GAN: variants seen among roughly 807,000 people sequenced by gnomAD.
The protein encoded by GAN is gigaxonin, also known as epididymis secretory sperm binding protein.
In GAN, 48 loss-of-function variants were observed where a neutral mutation model predicts 71.3. The ratio of observed to expected loss-of-function variants is 0.67; its 90% confidence interval spans 0.53 to 0.86. The LOEUF (loss-of-function observed/expected upper bound fraction) is 0.86. GAN is among the 40% of genes least tolerant of loss of function. GAN has a pLI of 0.00. For missense variants in GAN, 928 were observed against 770.1 expected (o/e 1.21, Z -2.43); for synonymous variants, 386 against 276.8 (o/e 1.39, Z -3.92).
intron 6 of GAN, among the ~76,000 whole-genome samples, chr16:81,363,413 C>G (rs920651022): frequency 2.0e-5 from 3 of 152,142 alleles, no homozygotes; most frequent in Non-Finnish European, 2.9e-5. Flanking sequence ...AGCCAGAAAT[C>G]TTTAAGAAGC....
chr16:81,332,616 C>G lies in GAN; in HGVS notation c.167+17336C>G, dbSNP rs191996365. Among the ~76,000 whole-genome samples, 236 of 152,326 alleles carry G rather than the reference C, an allele frequency of 1.5e-3. 1 individual carries two copies. The highest frequency in any genetic ancestry group is 5.5e-3 in the African/African-American group (228 of 41,568). On this transcript the variant is annotated intron_variant, in intron 1 of 10. Coordinates refer to ENST00000648994, the MANE Select transcript of GAN (RefSeq NM_022041.4). ...ACTCTCTCCCAAGAGCTGATTCTGC[C>G]TTCCCTTGTACATAGCACATGCCTG...
chr16:81,325,940 C>T (rs1274470764), intron 1 of GAN, among the ~76,000 whole-genome samples: 1 of 152,186 alleles, frequency 6.6e-6, no homozygotes, highest in Non-Finnish European at 1.5e-5. Context: ...TGTCTCTCTG[C>T]CTTTCTTGAC....
chr16:81,338,281 AT>A (rs1207419797), intron 1 of GAN, among the ~76,000 whole-genome samples: 1 of 152,186 alleles, frequency 6.6e-6, no homozygotes. Context: ...TCATGTAATA[AT>A]TAAAAAGAAT....
chr16:81,347,310 T>G lies in GAN; in HGVS notation c.168-4273T>G, dbSNP rs150790492. Among the ~76,000 whole-genome samples, 26 of 152,296 alleles carry G rather than the reference T, an allele frequency of 1.7e-4. No homozygotes were observed. In the East Asian group the frequency reaches 4.8e-3, roughly 28 times the overall value. ...CAGGAAATACAGGGAGGAAAGAAAG[T>G]TGTCTAAATACCCTCTGTATACTGT... On this transcript the variant is annotated intron_variant, in intron 1 of 10. Coordinates refer to ENST00000648994, the MANE Select transcript of GAN (RefSeq NM_022041.4).
intron 1 of GAN, among the ~76,000 whole-genome samples, chr16:81,345,992 CAA>C (rs1185537263): frequency 6.6e-6 from 1 of 152,166 alleles, no homozygotes; most frequent in African/African-American, 2.4e-5. Context: ...GCCACATGCG[CAA>C]GCAAGTACAG....
intron 9 of GAN, among the ~76,000 whole-genome samples, chr16:81,373,370 A>G (rs1911093846): frequency 6.6e-6 from 1 of 152,320 alleles, no homozygotes; most frequent in East Asian, 1.9e-4. Flanking sequence ...ACAATTGTTC[A>G]TTTACATTAC....
rs1904290226 is a variant in GAN, at chr16:81,378,585, G to T, written c.*989G>T. ...CCTGTCTGAAAGCACACAAAGTCTT[G>T]TTTACTACTGTTTAGGGTTTGAAAA... On this transcript the variant is annotated 3_prime_UTR_variant, in exon 11 of 11. Coordinates refer to ENST00000648994, the MANE Select transcript of GAN (RefSeq NM_022041.4). 1.3e-5 allele frequency: 2 copies of T among 152,702 alleles called. No homozygotes were observed. The highest frequency in any genetic ancestry group is 4.1e-4 in the South Asian group (2 of 4,828). The allele number at this position is 152,702 out of a possible 1,614,324, so 9.5% of individuals were successfully genotyped here. A position where few individuals can be genotyped will look rare whatever the true frequency, so the allele number is the denominator to read the frequency against.
At chr16:81,344,023 G>A (rs1255639047) in intron 1 of GAN, among the ~76,000 whole-genome samples, 2 of 152,140 alleles carry the variant, frequency 1.3e-5, no homozygotes, top group African/African-American at 4.8e-5. Flanking sequence ...TTGCTACTAA[G>A]AGAATAAAAT....
At chr16:81,375,399 T>G (rs1904277229) in intron 9 of GAN, among the ~76,000 whole-genome samples, 1 of 145,386 alleles carries the variant, frequency 6.9e-6, no homozygotes, top group African/African-American at 2.5e-5. Flanking sequence ...TGCAGTGGCA[T>G]GATCTCAACT....
chr16:81,334,031 C>T (rs1472205246), intron 1 of GAN, among the ~76,000 whole-genome samples: 1 of 152,242 alleles, frequency 6.6e-6, no homozygotes, highest in Admixed American at 6.5e-5. Context: ...TTTCAGAAAA[C>T]ATAACCTTCT....
chr16:81,322,511 A>C (rs1909254111), intron 1 of GAN, among the ~76,000 whole-genome samples: 1 of 152,262 alleles, frequency 6.6e-6, no homozygotes. Context: ...AATGAAATAC[A>C]GACCAATTAA....
intron 9 of GAN, among the ~76,000 whole-genome samples, chr16:81,374,316 G>A (rs1189808159): frequency 1.3e-5 from 2 of 152,164 alleles, no homozygotes; most frequent in Admixed American, 6.5e-5. Flanking sequence ...AAAGTTAACT[G>A]ATTTTCTTGT....
chr16:81,352,570 G>T (rs1349884501), intron 2 of GAN, among the ~76,000 whole-genome samples: 2 of 151,874 alleles, frequency 1.3e-5, no homozygotes, highest in Non-Finnish European at 2.9e-5. Context: ...TATCCCTCTT[G>T]TTTTCCTTTC....
chr16:81,386,070 A>G lies in GAN; in HGVS notation c.*8474A>G, dbSNP rs928535505. On this transcript the variant is annotated 3_prime_UTR_variant, in exon 11 of 11. Transcript: ENST00000648994. ...AGAAAATGATTTGCTTTCTAGACCC[A>G]TATCACCTCTCTCCATCTACATCTC... 3 of 152,114 alleles carry G rather than the reference A, an allele frequency of 2.0e-5. No individual in the cohort carries two copies. Among genetic ancestry groups the G allele is most frequent in the East Asian group, 1.9e-4 (1 of 5,178 alleles). The allele number at this position is 152,114 out of a possible 1,614,324, so 9.4% of individuals were successfully genotyped here. A position where few individuals can be genotyped will look rare whatever the true frequency, so the allele number is the denominator to read the frequency against.
At position 81,357,941 on chromosome 16, in the gene GAN, T is replaced by G; in HGVS notation, c.973+10T>G. 6.2e-7 allele frequency: 1 copy of G among 1,613,018 alleles called. No individual in the cohort carries two copies. Among genetic ancestry groups the G allele is most frequent in the East Asian group, 2.2e-5 (1 of 44,868 alleles). On this transcript the variant is annotated intron_variant, in intron 5 of 10. Coordinates refer to ENST00000648994, the MANE Select transcript of GAN (RefSeq NM_022041.4). The stretch of plus-strand genomic sequence containing the variant: ...GGAGTTCTCTCAGCAGGTACCGTTC[T>G]GTGGCAAATTTTCCTTAAACAGCAG...
At chr16:81,375,464 G>T (rs1181032510) in intron 9 of GAN, among the ~76,000 whole-genome samples, 3 of 151,070 alleles carry the variant, frequency 2.0e-5, no homozygotes, top group Admixed American at 2.0e-4. Context: ...AGCCTGAGTA[G>T]CTGGGACAGA....
rs543761660 is a variant in GAN at position 81,340,395 on chromosome 16, A to T, written c.168-11188A>T. ...GGGCTCCTTGTCCAACACACACCTC[A>T]CACAGGCAGGTGCCCCTCTGGGGCG... On this transcript the variant is annotated intron_variant, in intron 1 of 10. Coordinates refer to ENST00000648994, the MANE Select transcript of GAN (RefSeq NM_022041.4). Among the ~76,000 whole-genome samples the T allele has an allele frequency of 7.9e-5, 12 of 152,308 alleles. No homozygotes were observed. The South Asian group carries it at 2.5e-3, about 32-fold the overall frequency.
chr16:81,334,475 T>C (rs1306260370), intron 1 of GAN, among the ~76,000 whole-genome samples: 1 of 152,100 alleles, frequency 6.6e-6, no homozygotes, highest in Non-Finnish European at 1.5e-5. Context: ...GCAGGGCACA[T>C]GTGGTATTGA....
intron 2 of GAN, among the ~76,000 whole-genome samples, chr16:81,353,235 T>C (rs1192323678): frequency 6.8e-6 from 1 of 146,248 alleles, no homozygotes; most frequent in Non-Finnish European, 1.5e-5. Context: ...GAGCCTGCAG[T>C]GAGCCGAGAT....
Sources: allele counts gnomAD v4.1 joint callset (sites outside exome capture counted in the v4.1 genomes callset), GRCh38; gene constraint gnomAD v4.1.1; transcripts MANE v1.5; gene names NCBI Gene and HGNC (gene_info 2026-07-23, HGNC 2026-07-21).